Variants in MAD1L1 observed in about 807,000 individuals in gnomAD.
The protein encoded by MAD1L1 is mitotic spindle assembly checkpoint protein MAD1.
Under a neutral mutation model 96.9 loss-of-function variants are expected in MAD1L1, and 95 were observed. That is an observed-to-expected ratio of 0.98 (90% CI 0.83 to 1.16). MAD1L1 has a LOEUF of 1.16. Ranked by LOEUF, MAD1L1 falls within the 50% of genes most tolerant of loss-of-function variation. MAD1L1 has a pLI of 0.00. For synonymous variants in MAD1L1, 473 were observed against 396.6 expected (o/e 1.19, Z -2.29); for missense variants, 1,007 against 954.4 (o/e 1.06, Z -0.73).
At chr7:1,883,868 C>T (rs888482756) in intron 18 of MAD1L1, among the ~76,000 whole-genome samples, 3 of 152,188 alleles carry the variant, frequency 2.0e-5, no homozygotes, top group Non-Finnish European at 4.4e-5. Flanking sequence ...GAGCCTCGAG[C>T]GAAGCTGACT....
At chr7:1,980,287 C>T (rs1292000140) in intron 15 of MAD1L1, among the ~76,000 whole-genome samples, 166 bp downstream of exon 15, 3 of 150,592 alleles carry the variant, frequency 2.0e-5, no homozygotes, top group South Asian at 2.1e-4. Flanking sequence ...CACCTGAGCA[C>T]GTCCGCCTCT....
In MAD1L1 at chr7:2,009,198, G is replaced by T. The variant is rs1225453649; in HGVS notation, c.1359+5304C>A. On this transcript the variant is annotated intron_variant, in intron 13 of 18. Coordinates refer to ENST00000265854, the MANE Select transcript of MAD1L1 (RefSeq NM_001013836.2). ...GGCACCACCGAGGTGCTGCACAGAG[G>T]CCTCAGCCGGGCTATTTTTATCCTG... is the stretch of plus-strand genomic sequence containing the variant. 3.9e-5 allele frequency among the ~76,000 whole-genome samples: 6 copies of T among 152,202 alleles called. No individual in the cohort carries two copies. In the South Asian group the frequency reaches 1.2e-3, roughly 31 times the overall value.
chr7:1,903,617 G>A (rs1562508176), intron 17 of MAD1L1, among the ~76,000 whole-genome samples: 1 of 144,738 alleles, frequency 6.9e-6, no homozygotes, highest in Non-Finnish European at 1.5e-5. Context: ...AGAAGCTCTT[G>A]CAGAACTCAT....
intron 18 of MAD1L1, among the ~76,000 whole-genome samples, chr7:1,887,769 C>T (rs1208780462): frequency 7.2e-6 from 1 of 138,140 alleles, no homozygotes; most frequent in Non-Finnish European, 1.5e-5. Flanking sequence ...GTGCATGTGG[C>T]TGCCTGTGTG....
chr7:1,945,994 G>C (rs73290526), intron 16 of MAD1L1, among the ~76,000 whole-genome samples: 2,799 of 152,268 alleles, frequency 0.018, 94 homozygotes, highest in African/African-American at 0.064. Flanking sequence ...AAGGGCCAGT[G>C]GGTTCTGCAC....
At chr7:2,027,144 T>C (rs865875459) in intron 12 of MAD1L1, among the ~76,000 whole-genome samples, 14 of 152,156 alleles carry the variant, frequency 9.2e-5, no homozygotes, top group African/African-American at 2.7e-4. Flanking sequence ...AACTAACTTT[T>C]ACCACAACTG....
intron 12 of MAD1L1, among the ~76,000 whole-genome samples, chr7:2,060,035 G>GCCGATGCCGAGATACA (rs1342986053): frequency 1.3e-5 from 2 of 152,108 alleles, no homozygotes; most frequent in African/African-American, 2.4e-5. Flanking sequence ...CACAAGATAC[G>GCCGATGCCGAGATACA]CCGATGCCGA....
At chr7:2,051,780 G>A (rs56289396) in intron 12 of MAD1L1, among the ~76,000 whole-genome samples, 18,459 of 74,446 alleles carry the variant, frequency 0.25, 1,506 homozygotes, top group Middle Eastern at 0.47. Context: ...CCCTGCGCCC[G>A]CCAGGTCACC....
At chr7:1,887,201 G>A (rs958432670) in intron 18 of MAD1L1, among the ~76,000 whole-genome samples, 10 of 152,252 alleles carry the variant, frequency 6.6e-5, no homozygotes, top group South Asian at 2.1e-4. Context: ...GAGAGACAGA[G>A]GCCAACTGTG....
chr7:2,111,287 T>A (rs537499161), intron 11 of MAD1L1, among the ~76,000 whole-genome samples: 2 of 152,300 alleles, frequency 1.3e-5, no homozygotes, highest in South Asian at 4.1e-4. Context: ...GGCGCCTCCA[T>A]GCACCCCTCC....
chr7:2,107,308 G>A (rs1333935809), intron 11 of MAD1L1: 1 of 152,392 alleles, frequency 6.6e-6, no homozygotes, highest in African/African-American at 2.4e-5. Context: ...AGCAGCCCTG[G>A]GGCAGAGGGG....
rs539945835 is a variant in MAD1L1, at chr7:1,820,847, C to T, written c.1999-4619G>A. On this transcript the variant is annotated intron_variant, in intron 18 of 18. Coordinates refer to ENST00000265854, the MANE Select transcript of MAD1L1 (RefSeq NM_001013836.2). ...CTGTAATCCCAGCACTTTGGGAGGCCGAGGTGGGCGGATCACGAGGTCAGG... is the reference window on the plus strand; with the variant it reads ...CTGTAATCCCAGCACTTTGGGAGGCTGAGGTGGGCGGATCACGAGGTCAGG... Among the ~76,000 whole-genome samples, 5 of 152,040 alleles carry T rather than the reference C, an allele frequency of 3.3e-5. No individual in the cohort carries two copies. The South Asian group carries it at 6.3e-4, about 19-fold the overall frequency.
chr7:1,967,679 G>C (rs58183287), intron 15 of MAD1L1, among the ~76,000 whole-genome samples: 3 of 152,324 alleles, frequency 2.0e-5, no homozygotes, highest in African/African-American at 7.2e-5. Context: ...GAGGACACGA[G>C]GTGAGTCTGG....
chr7:2,208,738 T>C (rs1222947282), intron 10 of MAD1L1, among the ~76,000 whole-genome samples: 1 of 152,128 alleles, frequency 6.6e-6, no homozygotes, highest in East Asian at 1.9e-4. Context: ...CCTCACGCCA[T>C]CTTTCCCACT....
chr7:1,818,137 TC>T (rs760621184), intron 18 of MAD1L1, among the ~76,000 whole-genome samples: 33 of 152,054 alleles, frequency 2.2e-4, no homozygotes, highest in Non-Finnish European at 4.1e-4. Flanking sequence ...TCTGAATTTC[TC>T]CCCCTAAATG....
At chr7:1,997,796 C>T (rs935906979) in intron 14 of MAD1L1, among the ~76,000 whole-genome samples, 4 of 152,222 alleles carry the variant, frequency 2.6e-5, no homozygotes, top group Non-Finnish European at 5.9e-5. Context: ...GCCCCCTTGC[C>T]TGGCACTGCT....
intron 11 of MAD1L1, among the ~76,000 whole-genome samples, chr7:2,080,642 C>G (rs144446871): frequency 0.012 from 1,859 of 152,164 alleles, 29 homozygotes; most frequent in African/African-American, 0.042. Flanking sequence ...GCGCTGGGCT[C>G]TGACGCCAAG....
chr7:2,120,608 C>CACAG (rs1380863089), intron 11 of MAD1L1, among the ~76,000 whole-genome samples: 2 of 152,274 alleles, frequency 1.3e-5, no homozygotes, highest in East Asian at 3.8e-4. Context: ...CACCCAGAGG[C>CACAG]TTCCTCAGAG....
chr7:2,165,353 C>G (rs540417000), intron 10 of MAD1L1, among the ~76,000 whole-genome samples: 1 of 152,202 alleles, frequency 6.6e-6, no homozygotes. Context: ...GTTATCTGGA[C>G]GAGTGCACAT....
Sources: allele counts gnomAD v4.1 joint callset (sites outside exome capture counted in the v4.1 genomes callset), GRCh38; gene constraint gnomAD v4.1.1; transcripts MANE v1.5; gene names NCBI Gene and HGNC (gene_info 2026-07-23, HGNC 2026-07-21).